IGSF21: variants seen among roughly 807,000 people sequenced by gnomAD.
IGSF21 encodes the protein immunoglobin superfamily member 21.
Under a neutral mutation model 46.8 loss-of-function variants are expected in IGSF21, and 28 were observed. That is an observed-to-expected ratio of 0.60 (90% CI 0.44 to 0.82). The LOEUF is 0.82. Among genes scored for constraint, IGSF21 ranks in the 40% least tolerant of loss-of-function variants. The probability of loss-of-function intolerance (pLI) is 0.00; values close to 1 mark genes in which losing one functional copy is unlikely to be tolerated. For missense variants in IGSF21, 624 were observed against 665.5 expected, an observed-to-expected ratio of 0.94 and a Z score of 0.69; for synonymous variants, 284 against 273.6, an observed-to-expected ratio of 1.04 and a Z score of -0.38.
intron 1 of IGSF21, among the ~76,000 whole-genome samples, chr1:18,217,114 T>A (rs2084457158): frequency 6.6e-6 from 1 of 152,156 alleles, no homozygotes; most frequent in Non-Finnish European, 1.5e-5. Flanking sequence ...GTGGAGCTGC[T>A]GCCAACCACC....
intron 2 of IGSF21, among the ~76,000 whole-genome samples, chr1:18,235,569 A>G (rs1178342574): frequency 6.6e-6 from 1 of 152,248 alleles, no homozygotes; most frequent in East Asian, 1.9e-4. Context: ...AAGCAAATGC[A>G]AGACAGTTCT....
chr1:18,317,555 C>T (rs554623392), intron 3 of IGSF21, among the ~76,000 whole-genome samples: 1 of 152,304 alleles, frequency 6.6e-6, no homozygotes, highest in African/African-American at 2.4e-5. Flanking sequence ...GAGGCTTGGT[C>T]TAGAGTGTTT....
intron 9 of IGSF21, 127 bp from the exon 10 acceptor site, chr1:18,378,129 C>A: frequency 1.4e-6 from 1 of 702,178 alleles, no homozygotes; most frequent in Non-Finnish European, 2.5e-6. Flanking sequence ...GGTGGCAGAG[C>A]TGGGCTTCGA....
intron 1 of IGSF21, among the ~76,000 whole-genome samples, chr1:18,153,858 C>G (rs2086543671): frequency 6.6e-6 from 1 of 152,192 alleles, no homozygotes; most frequent in Admixed American, 6.5e-5. Flanking sequence ...TGTCCAGCTG[C>G]ATCTCATTTC....
chr1:18,330,830 G>C (rs1233576151), intron 3 of IGSF21, among the ~76,000 whole-genome samples: 2 of 152,188 alleles, frequency 1.3e-5, no homozygotes, highest in Non-Finnish European at 2.9e-5. Context: ...AGAAAGTACA[G>C]AAAGTTCCCA....
At chr1:18,345,409 G>C (rs981866108) in intron 4 of IGSF21, among the ~76,000 whole-genome samples, 17 of 152,124 alleles carry the variant, frequency 1.1e-4, no homozygotes, top group Admixed American at 1.1e-3. Flanking sequence ...ATTTGAGACA[G>C]AGTCTCACTC....
chr1:18,267,689 AG>A (rs2085003112), intron 2 of IGSF21, among the ~76,000 whole-genome samples: 2 of 152,198 alleles, frequency 1.3e-5, no homozygotes, highest in Non-Finnish European at 2.9e-5. Context: ...CACGGGCCCT[AG>A]GTGGAGGCTG....
At chr1:18,208,396 T>TA (rs397732378) in intron 1 of IGSF21, among the ~76,000 whole-genome samples, 78,693 of 99,458 alleles carry the variant, frequency 0.79, 33,091 homozygotes, top group Admixed American at 0.84. Context: ...TATATATATA[T>TA]TTTTTGAGAC....
intron 1 of IGSF21, among the ~76,000 whole-genome samples, chr1:18,116,965 A>G (rs2086194451): frequency 6.6e-6 from 1 of 152,156 alleles, no homozygotes; most frequent in African/African-American, 2.4e-5. Context: ...GTCCTGGTTG[A>G]GAAGCTGGGG....
chr1:18,257,487 A>G (rs754956842), intron 2 of IGSF21, among the ~76,000 whole-genome samples: 20 of 152,088 alleles, frequency 1.3e-4, no homozygotes, highest in Non-Finnish European at 2.8e-4. Flanking sequence ...TACTTTCCCC[A>G]TGTGACAGTG....
At chr1:18,376,516 G>A in intron 7 of IGSF21, 121 bp downstream of exon 7, 1 of 819,660 alleles carries the variant, frequency 1.2e-6, no homozygotes, top group Admixed American at 1.8e-5. Context: ...ACATCCAGTG[G>A]GTTTCAGTTT....
At chr1:18,149,200 G>A (rs1196559548) in intron 1 of IGSF21, among the ~76,000 whole-genome samples, 1 of 152,056 alleles carries the variant, frequency 6.6e-6, no homozygotes, top group Non-Finnish European at 1.5e-5. Flanking sequence ...GCTGGCCAAT[G>A]CTGGGACATG....
rs767614716 is a variant in IGSF21, at chr1:18,224,211, C to G, written c.71-3687C>G. 2.5e-4 allele frequency among the ~76,000 whole-genome samples: 38 copies of G among 152,146 alleles called. 1 individual carries two copies. Among genetic ancestry groups the G allele is most frequent in the Non-Finnish European group, 4.4e-4 (30 of 68,026 alleles). The stretch of plus-strand genomic sequence containing the variant: ...TTCCTGGCTCAGGTTCTACAAGATG[C>G]TCTGAAAAAGATGGGCTCCAGAGTG... On this transcript the variant is annotated intron_variant, in intron 1 of 9. Coordinates refer to ENST00000251296, the MANE Select transcript of IGSF21 (RefSeq NM_032880.5).
At position 18,378,211 on chromosome 1, in the gene IGSF21, G is replaced by A. The variant is rs146722336; in HGVS notation, c.1334-45G>A. On this transcript the variant is annotated intron_variant, in intron 9 of 9. Transcript: ENST00000251296. Reference sequence around the variant, plus strand: ...TGGAGGCTCTGCTGTTCTGGAACGGGGTTGGGTCTGCAGGCTCTGACCCTT... The same window carrying A: ...TGGAGGCTCTGCTGTTCTGGAACGGAGTTGGGTCTGCAGGCTCTGACCCTT... 13 of 1,521,490 alleles carry A rather than the reference G, an allele frequency of 8.5e-6. No individual in the cohort carries two copies. In the East Asian group the frequency reaches 2.9e-4, roughly 34 times the overall value. The allele number at this position is 1,521,490 out of a possible 1,614,324, so 94.2% of individuals were successfully genotyped here. A position where few individuals can be genotyped will look rare whatever the true frequency, so the allele number is the denominator to read the frequency against.
chr1:18,300,859 C>T (rs889491646), intron 3 of IGSF21, among the ~76,000 whole-genome samples: 14 of 152,138 alleles, frequency 9.2e-5, no homozygotes, highest in South Asian at 4.1e-4. Context: ...CCCAGAGCAA[C>T]GCTCCGCTCA....
intron 1 of IGSF21, among the ~76,000 whole-genome samples, chr1:18,202,978 C>G (rs572462299): frequency 2.0e-5 from 3 of 152,132 alleles, no homozygotes; most frequent in Non-Finnish European, 4.4e-5. Context: ...GTGAGGGACA[C>G]CATTCGTGAC....
intron 1 of IGSF21, among the ~76,000 whole-genome samples, chr1:18,118,931 C>T (rs2086210454): frequency 8.0e-6 from 1 of 125,312 alleles, no homozygotes. Context: ...TTCCTTTCTT[C>T]CTTCTTTCCT....
intron 1 of IGSF21, among the ~76,000 whole-genome samples, chr1:18,152,253 TG>T (rs1232263779): frequency 2.0e-5 from 3 of 152,122 alleles, no homozygotes; most frequent in Non-Finnish European, 4.4e-5. Flanking sequence ...TGAGAAAGGG[TG>T]ATGTCCAAGG....
intron 1 of IGSF21, among the ~76,000 whole-genome samples, chr1:18,128,291 G>A (rs1239108866): frequency 1.3e-5 from 2 of 152,110 alleles, no homozygotes; most frequent in Non-Finnish European, 2.9e-5. Context: ...GGATTGTGAG[G>A]GACTCAGGAG....
Sources: gnomAD v4.1 joint callset for allele counts (sites outside exome capture counted in the v4.1 genomes callset) on GRCh38, gnomAD v4.1.1 for gene constraint, MANE v1.5 for transcripts, NCBI Gene and HGNC (gene_info 2026-07-23, HGNC 2026-07-21) for gene names.